The following IGF1R variants were observed in gnomAD, a reference collection of about 807,000 sequenced individuals.
IGF1R encodes insulin-like growth factor 1 receptor.
IGF1R carries 44 observed loss-of-function variants against 144.6 expected under a neutral mutation model. The observed-to-expected ratio is 0.30, with a 90% CI of 0.24 to 0.39. The LOEUF is 0.39. Among genes scored for constraint, IGF1R ranks in the 10% least tolerant of loss-of-function variants. The pLI is 1.00. For synonymous variants in IGF1R, 795 were observed against 722.8 expected (o/e 1.10, Z -1.60); for missense variants, 1,355 against 1,833.7 (o/e 0.74, Z 4.77).
At chr15:98,668,754 G>A (rs1034006427) in intron 1 of IGF1R, among the ~76,000 whole-genome samples, 10 of 152,202 alleles carry the variant, frequency 6.6e-5, no homozygotes, top group East Asian at 3.9e-4. Context: ...CAGTGAGCAC[G>A]TACCCATCAG....
intron 2 of IGF1R, among the ~76,000 whole-genome samples, chr15:98,767,260 A>G (rs1218113364): frequency 6.6e-6 from 1 of 152,198 alleles, no homozygotes; most frequent in African/African-American, 2.4e-5. Context: ...CATAGGTGGG[A>G]TGAAATGTCT....
In IGF1R at chr15:98,807,553, A is replaced by G. The variant is rs535463082; in HGVS notation, c.641-83772A>G. 1.2e-4 allele frequency among the ~76,000 whole-genome samples: 19 copies of G among 152,322 alleles called. No homozygotes were observed. The East Asian group carries it at 3.7e-3, about 29-fold the overall frequency. On this transcript the variant is annotated intron_variant, in intron 2 of 20. Transcript: ENST00000650285. ...AGATAGGATAAGGACCAAAACATCCACTCAGCAGCCAGATGGGATTTTATC... is the reference window on the plus strand; with the variant it reads ...AGATAGGATAAGGACCAAAACATCCGCTCAGCAGCCAGATGGGATTTTATC...
chr15:98,951,930 G>C (rs1337599643), intron 20 of IGF1R, among the ~76,000 whole-genome samples: 1 of 152,198 alleles, frequency 6.6e-6, no homozygotes, highest in African/African-American at 2.4e-5. Flanking sequence ...TTCCAATACA[G>C]CTTTATTTTT....
intron 2 of IGF1R, among the ~76,000 whole-genome samples, chr15:98,834,730 T>C (rs1047386373): frequency 6.6e-6 from 1 of 152,134 alleles, no homozygotes; most frequent in Non-Finnish European, 1.5e-5. Context: ...GGCTCAAGCA[T>C]TGAGGGTCCA....
At chr15:98,752,313 G>C (rs1434530390) in intron 2 of IGF1R, among the ~76,000 whole-genome samples, 1 of 152,152 alleles carries the variant, frequency 6.6e-6, no homozygotes, top group Non-Finnish European at 1.5e-5. Flanking sequence ...GGCCATCCTG[G>C]ATAATGGGTC....
At chr15:98,689,538 AT>A (rs35624715) in intron 1 of IGF1R, among the ~76,000 whole-genome samples, 52,210 of 150,072 alleles carry the variant, frequency 0.35, 10,091 homozygotes, top group African/African-American at 0.53. Context: ...GTTGCACTAC[AT>A]TTTTTTTTTA....
chr15:98,924,599 G>T lies in IGF1R; in HGVS notation c.2697G>T (p.Gly899=). The change falls in exon 13 of 21, where the codon GGG becomes GGT. Residue 899 remains glycine (G), a synonymous_variant. Transcript: ENST00000650285. ...GGAKLNRLNP[G]NYTARIQATS... ...CCAAGCTAAACCGGCTAAACCCGGG[G>T]AACTACACAGCCCGGATTCAGGCCA... 6.2e-7 allele frequency: 1 copy of T among 1,614,046 alleles called. No individual in the cohort carries two copies. The highest frequency in any genetic ancestry group is 8.5e-7 in the Non-Finnish European group (1 of 1,179,900).
At chr15:98,768,533 T>G (rs1320957613) in intron 2 of IGF1R, among the ~76,000 whole-genome samples, 1 of 151,092 alleles carries the variant, frequency 6.6e-6, no homozygotes, top group East Asian at 1.9e-4. Context: ...GAGAATCACT[T>G]TAACCAGAGA....
chr15:98,712,247 C>T (rs2054009591), intron 2 of IGF1R, among the ~76,000 whole-genome samples: 1 of 152,204 alleles, frequency 6.6e-6, no homozygotes, highest in Non-Finnish European at 1.5e-5. Flanking sequence ...CAGGACCTGT[C>T]ATTCATATCC....
At chr15:98,735,811 A>G (rs2054596538) in intron 2 of IGF1R, among the ~76,000 whole-genome samples, 1 of 152,198 alleles carries the variant, frequency 6.6e-6, no homozygotes, top group African/African-American at 2.4e-5. Flanking sequence ...GATACTTTTT[A>G]TCTTCGTGGG....
chr15:98,702,116 A>G lies in IGF1R; in HGVS notation c.95-5446A>G, dbSNP rs1413160888. Among the ~76,000 whole-genome samples, 3 of 146,932 alleles carry G rather than the reference A, an allele frequency of 2.0e-5. No individual in the cohort carries two copies. The Admixed American group carries it at 2.0e-4, about 10-fold the overall frequency. ...CAGTTCTCGTGTAGGTCTTCCAAAT[A>G]CTTAGCTACACAGCTTTGGGGCGTT... On this transcript the variant is annotated intron_variant, in intron 1 of 20. Transcript: ENST00000650285.
At chr15:98,725,928 A>G (rs1395076870) in intron 2 of IGF1R, among the ~76,000 whole-genome samples, 2 of 152,226 alleles carry the variant, frequency 1.3e-5, no homozygotes, top group African/African-American at 4.8e-5. Context: ...GGGAAAGACC[A>G]GCCCTCATGA....
intron 2 of IGF1R, among the ~76,000 whole-genome samples, chr15:98,884,704 AG>A (rs371972761): frequency 8.1e-4 from 121 of 149,134 alleles, no homozygotes; most frequent in Non-Finnish European, 1.3e-3. Flanking sequence ...AAAAAAAAAA[AG>A]AAATTCTGTA....
At chr15:98,653,734 G>A (rs1478108057) in intron 1 of IGF1R, among the ~76,000 whole-genome samples, 1 of 152,182 alleles carries the variant, frequency 6.6e-6, no homozygotes, top group African/African-American at 2.4e-5. Context: ...ATTTGCTTTT[G>A]GTCTTTGTCT....
intron 2 of IGF1R, among the ~76,000 whole-genome samples, chr15:98,875,605 G>A (rs926072032): frequency 5.3e-5 from 8 of 151,970 alleles, no homozygotes; most frequent in Non-Finnish European, 1.2e-4. Context: ...GAAAGATCAC[G>A]TGTGCTTTCC....
At chr15:98,849,549 A>G (rs1469906710) in intron 2 of IGF1R, among the ~76,000 whole-genome samples, 2 of 152,246 alleles carry the variant, frequency 1.3e-5, no homozygotes, top group African/African-American at 4.8e-5. Flanking sequence ...CAGAAAAGAA[A>G]ACATTCATAA....
chr15:98,699,456 G>C (rs1193181244), intron 1 of IGF1R, among the ~76,000 whole-genome samples: 1 of 152,160 alleles, frequency 6.6e-6, no homozygotes, highest in African/African-American at 2.4e-5. Flanking sequence ...CTAGAATATT[G>C]GGCTTTGGGA....
At chr15:98,651,724 G>C (rs2052373294) in intron 1 of IGF1R, among the ~76,000 whole-genome samples, 1 of 152,154 alleles carries the variant, frequency 6.6e-6, no homozygotes, top group African/African-American at 2.4e-5. Context: ...GTGTTTTAAT[G>C]TATGTTTTTA....
intron 2 of IGF1R, among the ~76,000 whole-genome samples, chr15:98,725,255 A>G (rs1479321910): frequency 2.0e-5 from 3 of 152,192 alleles, no homozygotes; most frequent in Non-Finnish European, 4.4e-5. Flanking sequence ...TTAGGTCAGA[A>G]TCTGTATCTC....
Sources: gnomAD v4.1 joint callset for allele counts (sites outside exome capture counted in the v4.1 genomes callset) on GRCh38, gnomAD v4.1.1 for gene constraint, MANE v1.5 for transcripts, NCBI Gene and HGNC (gene_info 2026-07-23, HGNC 2026-07-21) for gene names.